The following BBOF1 variants were observed in gnomAD, a reference collection of about 807,000 sequenced individuals.
BBOF1 encodes the protein basal body-orientation factor 1.
Under a neutral mutation model 68.0 loss-of-function variants are expected in BBOF1, and 62 were observed. The observed-to-expected ratio is 0.91, with a 90% CI of 0.74 to 1.13. BBOF1 has a LOEUF of 1.13. Among genes scored for constraint, BBOF1 ranks in the 50% most tolerant of loss-of-function variants. The probability of loss-of-function intolerance (pLI) is 0.00; values close to 1 mark genes in which losing one functional copy is unlikely to be tolerated. For synonymous variants in BBOF1, 208 were observed against 198.8 expected (o/e 1.05, Z -0.39); for missense variants, 534 against 600.1 (o/e 0.89, Z 1.15).
intron 11 of BBOF1, among the ~76,000 whole-genome samples, chr14:74,061,134 C>T (rs963215310): frequency 2.0e-5 from 3 of 150,716 alleles, no homozygotes; most frequent in Non-Finnish European, 4.4e-5. Context: ...CCTGCTACCA[C>T]GCCTGGCTAA....
chr14:74,023,181 A>G lies in BBOF1; in HGVS notation c.285+37A>G, dbSNP rs200012504. 193 of 1,186,980 alleles carry G rather than the reference A, an allele frequency of 1.6e-4. 1 individual carries two copies. Among genetic ancestry groups the G allele is most frequent in the Non-Finnish European group, 2.8e-5 (23 of 833,236 alleles). 73.5% of individuals were successfully genotyped at this position (1,186,980 alleles called of 1,614,324 possible). A position where few individuals can be genotyped will look rare whatever the true frequency, so the allele number is the denominator to read the frequency against. On this transcript the variant is annotated intron_variant, in intron 2 of 11. Coordinates refer to ENST00000394009, the MANE Select transcript of BBOF1 (RefSeq NM_025057.3). ...GAAAGCCTCCTTGGCCTCATTAACTACCTCTATGGTGATGCTGATGTGGTT... is the reference window on the plus strand; with the variant it reads ...GAAAGCCTCCTTGGCCTCATTAACTGCCTCTATGGTGATGCTGATGTGGTT...
intron 9 of BBOF1, chr14:74,072,168 A>C: frequency 7.4e-6 from 12 of 1,614,036 alleles, no homozygotes; most frequent in Non-Finnish European, 1.0e-5. Context: ...GCCCTAGGTG[A>C]CAGTTTGGAA....
At chr14:74,021,195 C>T (rs918410308) in intron 1 of BBOF1, among the ~76,000 whole-genome samples, 1 of 152,122 alleles carries the variant, frequency 6.6e-6, no homozygotes, top group African/African-American at 2.4e-5. Context: ...AATGCTTATA[C>T]AATAAATATT....
At chr14:74,041,904 G>C (rs950742057) in intron 5 of BBOF1, among the ~76,000 whole-genome samples, 39 of 152,086 alleles carry the variant, frequency 2.6e-4, no homozygotes, top group African/African-American at 7.7e-4. Flanking sequence ...AGGCATGGTG[G>C]TGTGCACCTG....
chr14:74,029,389 T>A, intron 3 of BBOF1, 140 bp downstream of exon 3: 1 of 550,274 alleles, frequency 1.8e-6, no homozygotes, highest in Non-Finnish European at 3.3e-6. Context: ...TGTATAGAAA[T>A]TCAAAAAACC....
At chr14:74,080,606 T>TA (rs957291567) in intron 10 of BBOF1, among the ~76,000 whole-genome samples, 5 of 151,874 alleles carry the variant, frequency 3.3e-5, no homozygotes, top group African/African-American at 7.3e-5. Flanking sequence ...CCCAGCTAAT[T>TA]AAAAAAAATT....
chr14:74,073,248 C>T (rs2060574272), intron 9 of BBOF1, among the ~76,000 whole-genome samples: 1 of 152,084 alleles, frequency 6.6e-6, no homozygotes, highest in African/African-American at 2.4e-5. Flanking sequence ...GGACTACAGG[C>T]ACATGCTACC....
rs1286354390 is a variant in BBOF1 at position 74,050,034 on chromosome 14, A to C, written c.1125A>C (p.Leu375=). The change falls in exon 8 of 12, where the codon CTA becomes CTC. Residue 375 remains leucine, a synonymous_variant. Coordinates refer to ENST00000394009, the MANE Select transcript of BBOF1 (RefSeq NM_025057.3). ...DALHQVKQQI[L]ISRKHYKQIA... ...TGCACCAAGTGAAGCAACAGATCCT[A>C]ATTAGCAGGAAGCATTATAAGCAGA... 1 of 1,614,164 alleles carries C rather than the reference A, an allele frequency of 6.2e-7. No homozygotes were observed. The highest frequency in any genetic ancestry group is 8.5e-7 in the Non-Finnish European group (1 of 1,180,030).
chr14:74,070,896 A>G, downstream of BBOF1: 1 of 373,722 alleles, frequency 2.7e-6, no homozygotes, highest in South Asian at 2.7e-5. Context: ...TGAATTAAAT[A>G]CCCTCATGTA....
chr14:74,029,089 T>C, intron 2 of BBOF1, 95 bp from the exon 3 acceptor site: 1 of 736,844 alleles, frequency 1.4e-6, no homozygotes. Context: ...TTTTGCCATA[T>C]TGGTTTTAGT....
intron 12 of BBOF1, among the ~76,000 whole-genome samples, chr14:74,082,032 C>G (rs2060673286): frequency 6.6e-6 from 1 of 152,094 alleles, no homozygotes; most frequent in Non-Finnish European, 1.5e-5. Flanking sequence ...CATGGTGAAA[C>G]CCTGTCTCTA....
intron 5 of BBOF1, among the ~76,000 whole-genome samples, chr14:74,042,087 C>T (rs1245002452): frequency 6.6e-6 from 1 of 152,146 alleles, no homozygotes; most frequent in Non-Finnish European, 1.5e-5. Flanking sequence ...CATTATGTTG[C>T]TGGTCTCGAA....
At position 74,064,863 on chromosome 14, in the gene BBOF1, G is replaced by T. The variant is rs1410668144; in HGVS notation, c.*164G>T. The T allele has an allele frequency of 6.2e-7, 1 of 1,614,040 alleles. No individual in the cohort carries two copies. The highest frequency in any genetic ancestry group is 8.5e-7 in the Non-Finnish European group (1 of 1,180,004). ...TTGGTGTCTCCCCTGAAGGAGGATCGAGAGCCGGTGAATGAGAACATTGGC... is the reference window on the plus strand; with the variant it reads ...TTGGTGTCTCCCCTGAAGGAGGATCTAGAGCCGGTGAATGAGAACATTGGC... On this transcript the variant is annotated 3_prime_UTR_variant, in exon 12 of 12. Transcript: ENST00000394009.
At chr14:74,079,105 G>A (rs1024864020) in intron 10 of BBOF1, among the ~76,000 whole-genome samples, 3 of 151,658 alleles carry the variant, frequency 2.0e-5, no homozygotes, top group African/African-American at 7.3e-5. Flanking sequence ...TTAGTCCTTG[G>A]CCAGTATTTT....
At chr14:74,027,030 A>G (rs2059446180) in intron 2 of BBOF1, among the ~76,000 whole-genome samples, 1 of 150,730 alleles carries the variant, frequency 6.6e-6, no homozygotes, top group Admixed American at 6.7e-5. Context: ...AAAATCCACG[A>G]GTGTGTACTA....
intron 2 of BBOF1, among the ~76,000 whole-genome samples, chr14:74,026,170 C>T (rs1400520051): frequency 1.5e-5 from 2 of 132,460 alleles, no homozygotes; most frequent in Non-Finnish European, 3.2e-5. Context: ...AGACTGGGGG[C>T]GGTGGCTCAT....
chr14:74,028,513 A>AC (rs1191888092), intron 2 of BBOF1, among the ~76,000 whole-genome samples: 5 of 72,846 alleles, frequency 6.9e-5, no homozygotes, highest in African/African-American at 1.6e-4. Context: ...CACACACACA[A>AC]ATAGAGGGAA....
downstream of BBOF1, chr14:74,069,105 T>C (rs1007406552): frequency 2.5e-4 from 225 of 913,924 alleles, no homozygotes; most frequent in Non-Finnish European, 2.1e-4. Context: ...CTTTTTCTTT[T>C]TTTTTTTTTT....
Position 74,064,674 on chromosome 14 carries a change from T to C in BBOF1, c.1579-14T>C. On this transcript the variant is annotated splice_polypyrimidine_tract_variant and intron_variant, in intron 11 of 11. Transcript: ENST00000394009. ...GCTTTGGCAAAATTTTGTTAACTTT[T>C]AAATCTTTTTTAGGGAACCTTCTGA... 1.2e-6 allele frequency: 2 copies of C among 1,614,028 alleles called. No homozygotes were observed. The highest frequency in any genetic ancestry group is 1.7e-6 in the Non-Finnish European group (2 of 1,179,912).
Sources: gnomAD v4.1 joint callset for allele counts (sites outside exome capture counted in the v4.1 genomes callset) on GRCh38, gnomAD v4.1.1 for gene constraint, MANE v1.5 for transcripts, NCBI Gene and HGNC (gene_info 2026-07-23, HGNC 2026-07-21) for gene names.